Variants in RANBP17 observed in about 807,000 individuals in gnomAD.
The protein encoded by RANBP17 is RAN binding protein 17, also known as ran-binding protein 17.
Under a neutral mutation model 141.2 loss-of-function variants are expected in RANBP17, and 158 were observed. The ratio of observed to expected loss-of-function variants is 1.12; its 90% CI spans 0.98 to 1.28. RANBP17 has a LOEUF of 1.28. RANBP17 is among the 50% of genes most tolerant of loss of function. RANBP17 has a pLI of 0.00. For synonymous variants in RANBP17, 430 were observed against 450.0 expected (o/e 0.96, Z 0.56); for missense variants, 1,438 against 1,290.7 (o/e 1.11, Z -1.75).
chr5:171,261,090 C>CCCAAA (rs1554125343), intron 24 of RANBP17, among the ~76,000 whole-genome samples: 4 of 68,492 alleles, frequency 5.8e-5, no homozygotes, highest in Non-Finnish European at 7.5e-5. Context: ...CCACCCCCCC[C>CCCAAA]AAAAAAAAAA....
intron 14 of RANBP17, among the ~76,000 whole-genome samples, chr5:171,166,686 T>A (rs548444162): frequency 6.6e-6 from 1 of 152,206 alleles, no homozygotes; most frequent in South Asian, 2.1e-4. Flanking sequence ...AAATTATCCA[T>A]GTTTAAAAGG....
In RANBP17 at chr5:171,022,504, C is replaced by T. The variant is rs1022361324; in HGVS notation, c.1710+54127C>T. On this transcript the variant is annotated intron_variant, in intron 14 of 27. Transcript: ENST00000523189. ...ACCCTCTGGCTGGAGTTACAGAGTT[C>T]CTGCAGGGGAACCCCACCCAGTGAG... Among the ~76,000 whole-genome samples the T allele has an allele frequency of 2.6e-5, 4 of 152,210 alleles. No homozygotes were observed. The South Asian group carries it at 8.3e-4, about 32-fold the overall frequency.
At chr5:170,930,785 C>T (rs1773309067) in intron 12 of RANBP17, among the ~76,000 whole-genome samples, 1 of 152,122 alleles carries the variant, frequency 6.6e-6, no homozygotes, top group East Asian at 1.9e-4. Context: ...GTATGTGTGT[C>T]ACATTTTCTT....
intron 9 of RANBP17, 92 bp downstream of exon 9, chr5:170,916,676 C>T: frequency 2.6e-6 from 2 of 775,070 alleles, no homozygotes; most frequent in South Asian, 3.3e-5. Context: ...TATTATGATT[C>T]TGGAAGAAAA....
chr5:170,925,434 A>G (rs1228359385), intron 12 of RANBP17, among the ~76,000 whole-genome samples: 1 of 152,148 alleles, frequency 6.6e-6, no homozygotes, highest in Non-Finnish European at 1.5e-5. Flanking sequence ...AATGGGGACA[A>G]CTAACACTTT....
At chr5:171,130,636 A>G (rs986947931) in intron 14 of RANBP17, among the ~76,000 whole-genome samples, 17 of 151,866 alleles carry the variant, frequency 1.1e-4, no homozygotes, top group African/African-American at 4.1e-4. Context: ...GGGTTTCTGC[A>G]TGTTGGCCAG....
At chr5:170,948,119 A>G (rs1195953843) in intron 12 of RANBP17, among the ~76,000 whole-genome samples, 1 of 152,168 alleles carries the variant, frequency 6.6e-6, no homozygotes, top group Non-Finnish European at 1.5e-5. Context: ...GCATAGTTGT[A>G]TCTTTCCCCA....
At chr5:171,177,672 A>G (rs1460774427) in intron 16 of RANBP17, among the ~76,000 whole-genome samples, 3 of 152,198 alleles carry the variant, frequency 2.0e-5, no homozygotes, top group East Asian at 1.9e-4. Context: ...AAATAGCTTA[A>G]TCCTTAGTCC....
chr5:170,981,808 A>G (rs1167524263), intron 14 of RANBP17, among the ~76,000 whole-genome samples: 1 of 152,152 alleles, frequency 6.6e-6, no homozygotes, highest in African/African-American at 2.4e-5. Context: ...AGAGATTCTA[A>G]CCTTAAATTC....
At chr5:171,298,680 C>A in intron 27 of RANBP17, 82 bp from the exon 28 acceptor site, 2 of 1,068,086 alleles carry the variant, frequency 1.9e-6, no homozygotes, top group Non-Finnish European at 2.8e-6. Flanking sequence ...AAGTCCTGAA[C>A]TCCAAAATGG....
intron 6 of RANBP17, 81 bp from the exon 7 acceptor site, chr5:170,910,887 AT>A: frequency 7.4e-7 from 1 of 1,352,294 alleles, no homozygotes. Context: ...TTCATTTGAC[AT>A]TGAAAAATTA....
At chr5:171,065,072 G>C (rs989363170) in intron 14 of RANBP17, among the ~76,000 whole-genome samples, 1 of 152,192 alleles carries the variant, frequency 6.6e-6, no homozygotes, top group Admixed American at 6.5e-5. Context: ...TTTCCTTACA[G>C]ATGGGTTTTA....
At chr5:171,008,239 G>A (rs191360395) in intron 14 of RANBP17, among the ~76,000 whole-genome samples, 70 of 152,318 alleles carry the variant, frequency 4.6e-4, no homozygotes, top group African/African-American at 1.3e-3. Context: ...GAAGGGTAGC[G>A]AGAGAGGCTG....
chr5:171,220,148 C>T (rs1034991733), intron 21 of RANBP17, among the ~76,000 whole-genome samples: 1 of 152,072 alleles, frequency 6.6e-6, no homozygotes, highest in Non-Finnish European at 1.5e-5. Flanking sequence ...CTAACAGGCC[C>T]TTCTGCAGGT....
intron 24 of RANBP17, among the ~76,000 whole-genome samples, chr5:171,251,130 C>G (rs1020568931): frequency 6.6e-6 from 1 of 152,126 alleles, no homozygotes; most frequent in Non-Finnish European, 1.5e-5. Flanking sequence ...ACTCTGTCAC[C>G]CAGGCTGGAG....
At chr5:171,057,877 C>T (rs556264344) in intron 14 of RANBP17, among the ~76,000 whole-genome samples, 1 of 152,198 alleles carries the variant, frequency 6.6e-6, no homozygotes, top group South Asian at 2.1e-4. Context: ...ATCCAATTAC[C>T]TACACCTGGT....
chr5:171,072,852 A>G (rs1477796804), intron 14 of RANBP17, among the ~76,000 whole-genome samples: 1 of 152,194 alleles, frequency 6.6e-6, no homozygotes, highest in African/African-American at 2.4e-5. Flanking sequence ...GATGTCTTTC[A>G]GTAAGTGGTA....
At chr5:171,258,812 A>ATTT (rs1766093490) in intron 24 of RANBP17, among the ~76,000 whole-genome samples, 2 of 152,306 alleles carry the variant, frequency 1.3e-5, no homozygotes, top group South Asian at 4.1e-4. Flanking sequence ...CTGAACATTG[A>ATTT]TCTAGGCAAA....
At chr5:171,222,466 CTG>C (rs1276806210) in intron 22 of RANBP17, among the ~76,000 whole-genome samples, 1 of 152,186 alleles carries the variant, frequency 6.6e-6, no homozygotes, top group Non-Finnish European at 1.5e-5. Context: ...TAAAAATCCT[CTG>C]TAATCTAATT....
Sources: allele counts gnomAD v4.1 joint callset (sites outside exome capture counted in the v4.1 genomes callset), GRCh38; gene constraint gnomAD v4.1.1; transcripts MANE v1.5; gene names NCBI Gene and HGNC (gene_info 2026-07-23, HGNC 2026-07-21).